BRSK2: variants seen among roughly 807,000 people sequenced by gnomAD.
BRSK2 encodes the protein BR serine/threonine kinase 2, also known as serine/threonine-protein kinase BRSK2.
BRSK2 carries 19 observed loss-of-function variants against 83.3 expected under a neutral mutation model. The ratio of observed to expected loss-of-function variants is 0.23; its 90% CI spans 0.16 to 0.33. The LOEUF (loss-of-function observed/expected upper bound fraction) is 0.33, where lower values mean the gene tolerates loss of function less well. Among genes scored for constraint, BRSK2 ranks in the 10% least tolerant of loss-of-function variants. The pLI is 1.00. For synonymous variants in BRSK2, 519 were observed against 435.4 expected (o/e 1.19, Z -2.39); for missense variants, 798 against 1,042.3 (o/e 0.77, Z 3.23).
chr11:1,456,217 C>T (rs1846515527), intron 16 of BRSK2, 131 bp from the exon 17 acceptor site: 1 of 983,126 alleles, frequency 1.0e-6, no homozygotes, highest in Non-Finnish European at 1.4e-6. Flanking sequence ...CTGTGCCCCT[C>T]ACGGAAGCAG....
At chr11:1,457,177 C>A in intron 18 of BRSK2, 1 of 842,970 alleles carries the variant, frequency 1.2e-6, no homozygotes, top group Non-Finnish European at 1.8e-6. Flanking sequence ...CCAAGCATGC[C>A]CCGGGCGGCC....
intron 1 of BRSK2, among the ~76,000 whole-genome samples, chr11:1,403,935 G>A (rs1429154192): frequency 2.0e-5 from 3 of 152,212 alleles, no homozygotes; most frequent in African/African-American, 7.2e-5. Flanking sequence ...GGCATCACGG[G>A]AGTTGGGATG....
chr11:1,448,912 C>T (rs963456527), intron 12 of BRSK2, among the ~76,000 whole-genome samples: 10 of 152,358 alleles, frequency 6.6e-5, no homozygotes, highest in African/African-American at 2.2e-4. Context: ...CGAGGCCCCT[C>T]GTGGCCGGCT....
chr11:1,392,945 G>C (rs576193668), intron 1 of BRSK2, among the ~76,000 whole-genome samples: 3 of 152,090 alleles, frequency 2.0e-5, no homozygotes, highest in Non-Finnish European at 2.9e-5. Context: ...AGGTGAAGCC[G>C]TCAGAGCACT....
Position 1,450,665 on chromosome 11 carries a change from C to T in BRSK2, c.1366C>T (p.Pro456Ser). The T allele has an allele frequency of 1.2e-6, 2 of 1,609,636 alleles. No individual in the cohort carries two copies. Among genetic ancestry groups the T allele is most frequent in the Non-Finnish European group, 1.7e-6 (2 of 1,178,846 alleles). Residue 456 changes from proline (P) to serine (S), a missense_variant, in exon 14 of 20, where the codon CCG becomes TCG. Transcript: ENST00000528841. ...GTPVHTPKES[P>S]AGTPNPTPPS... The stretch of plus-strand genomic sequence containing the variant: ...ACCTGTCCACACGCCAAAGGAGAGC[C>T]CGGCTGGCACGCCCAACCCCACGCC...
In BRSK2 at chr11:1,450,288, C is replaced by A. The variant is rs556473123; in HGVS notation, c.1288-299C>A. 1.3e-4 allele frequency among the ~76,000 whole-genome samples: 20 copies of A among 152,166 alleles called. No homozygotes were observed. The South Asian group carries it at 2.7e-3, about 20-fold the overall frequency. ...CCCTTCGTGGCCCGCCCCCTGGCCA[C>A]CTCCACGGAGCCCGAAGCTTGTGGG... On this transcript the variant is annotated intron_variant, in intron 13 of 19. Coordinates refer to ENST00000528841, the MANE Select transcript of BRSK2 (RefSeq NM_001256627.2).
rs1338301765 is a variant in BRSK2 at position 1,423,892 on chromosome 11, G to A, written c.92-12148G>A. 6.6e-6 allele frequency among the ~76,000 whole-genome samples: 1 copy of A among 151,034 alleles called. No individual in the cohort carries two copies. Among genetic ancestry groups the A allele is most frequent in the Non-Finnish European group, 1.5e-5 (1 of 67,806 alleles). ...AGAAGTGCTCCCCCACCCCCATCTT[G>A]CTTTCACCCTCACGTGGCGCCCCCA... On this transcript the variant is annotated intron_variant, in intron 1 of 19. Coordinates refer to ENST00000528841, the MANE Select transcript of BRSK2 (RefSeq NM_001256627.2). This position sits in a 1 kb window ranked among gnomAD's most constrained non-coding sequence, Gnocchi z 6.5.
intron 1 of BRSK2, among the ~76,000 whole-genome samples, chr11:1,427,464 A>G (rs1265691341): frequency 3.3e-5 from 5 of 152,114 alleles, no homozygotes; most frequent in Admixed American, 6.5e-5. Context: ...CTGCTCCCTG[A>G]GGCCCAGCAT....
chr11:1,450,913 T>A (rs1023662590), intron 14 of BRSK2, 119 bp downstream of exon 14: 3 of 1,001,258 alleles, frequency 3.0e-6, no homozygotes, highest in Non-Finnish European at 4.3e-6. Flanking sequence ...AGGGGTGGCC[T>A]GGGCCTGCCC....
intron 19 of BRSK2, 150 bp from the exon 20 acceptor site, chr11:1,460,350 C>A (rs1416443541): frequency 1.1e-6 from 1 of 927,838 alleles, no homozygotes; most frequent in Non-Finnish European, 1.5e-6. Flanking sequence ...ATCTCAGCCT[C>A]ATCTCTGGGT....
chr11:1,396,996 C>T (rs1002990102), intron 1 of BRSK2, among the ~76,000 whole-genome samples: 3 of 152,254 alleles, frequency 2.0e-5, no homozygotes, highest in Non-Finnish European at 2.9e-5. Context: ...CACCGTACCG[C>T]GCAGGAGGAC....
At chr11:1,403,835 G>A (rs1846655579) in intron 1 of BRSK2, among the ~76,000 whole-genome samples, 2 of 152,190 alleles carry the variant, frequency 1.3e-5, no homozygotes, top group Non-Finnish European at 2.9e-5. Flanking sequence ...ACCTGGAAGT[G>A]TCCTGGCTTC....
At chr11:1,457,062 G>A in intron 18 of BRSK2, 1 of 1,564,264 alleles carries the variant, frequency 6.4e-7, no homozygotes, top group Non-Finnish European at 8.6e-7. Flanking sequence ...AAGGCGCCCG[G>A]CCTGTGCTGG....
chr11:1,404,856 C>G (rs888043748), intron 1 of BRSK2, among the ~76,000 whole-genome samples: 8 of 152,128 alleles, frequency 5.3e-5, no homozygotes, highest in Admixed American at 1.3e-4. Flanking sequence ...GGGCTGGGGG[C>G]AGGGCTCAGC....
chr11:1,452,019 T>G (rs1845872104), intron 15 of BRSK2, among the ~76,000 whole-genome samples: 1 of 152,066 alleles, frequency 6.6e-6, no homozygotes, highest in Non-Finnish European at 1.5e-5. Flanking sequence ...CCTCAGTCAC[T>G]GGGCAGTGTC....
chr11:1,390,447 A>C lies in BRSK2; in HGVS notation c.91+72A>C, dbSNP rs1845650911. The stretch of plus-strand genomic sequence containing the variant: ...CAGCGCGCTGGGTGGGGGGCGCCCG[A>C]GGGAGGCCCCGGCCGCGAAGCCGCA... On this transcript the variant is annotated intron_variant, in intron 1 of 19. Coordinates refer to ENST00000528841, the MANE Select transcript of BRSK2 (RefSeq NM_001256627.2). This position sits in a 1 kb window ranked among gnomAD's most constrained non-coding sequence, Gnocchi z 6.8. 2 of 865,880 alleles carry C rather than the reference A, an allele frequency of 2.3e-6. No individual in the cohort carries two copies. Among genetic ancestry groups the C allele is most frequent in the Non-Finnish European group, 1.4e-6 (1 of 718,430 alleles). The allele number at this position is 865,880 out of a possible 1,614,324, so 53.6% of individuals were successfully genotyped here. A position where few individuals can be genotyped will look rare whatever the true frequency, so the allele number is the denominator to read the frequency against.
rs758357978 is a variant in BRSK2 at position 1,450,620 on chromosome 11, C to T, written c.1321C>T (p.Leu441Phe). 3 of 1,597,390 alleles carry T rather than the reference C, an allele frequency of 1.9e-6. No homozygotes were observed. Among genetic ancestry groups the T allele is most frequent in the Non-Finnish European group, 2.6e-6 (3 of 1,174,326 alleles). The change falls in exon 14 of 20, where the codon CTC (leucine) becomes TTC (phenylalanine). Residue 441 changes from leucine to phenylalanine, a missense_variant. Leu to Phe is a conservative substitution (Grantham distance 22, BLOSUM62 0). Transcript: ENST00000528841. ...TPHPSPRGSP[L>F]PTPKGTPVHT... is the part of the protein sequence containing the mutation. Reference sequence around the variant, plus strand: ...TCACCCCTCACCAAGGGGCAGTCCCCTCCCCACCCCCAAGGGGACACCTGT... The same window carrying T: ...TCACCCCTCACCAAGGGGCAGTCCCTTCCCCACCCCCAAGGGGACACCTGT...
At chr11:1,414,251 G>T (rs1162881133) in intron 1 of BRSK2, among the ~76,000 whole-genome samples, 1 of 152,244 alleles carries the variant, frequency 6.6e-6, no homozygotes, top group African/African-American at 2.4e-5. Context: ...GGCCGGGCAG[G>T]AGGAGGACGG....
At chr11:1,402,330 C>T (rs1846533805) in intron 1 of BRSK2, among the ~76,000 whole-genome samples, 1 of 152,246 alleles carries the variant, frequency 6.6e-6, no homozygotes, top group South Asian at 2.1e-4. Context: ...TGTTTCAGGG[C>T]TCATGTGGCC....
Sources: gnomAD v4.1 joint callset for allele counts (sites outside exome capture counted in the v4.1 genomes callset) on GRCh38, gnomAD v4.1.1 for gene constraint, Gnocchi (gnomAD v3.1) non-coding constraint, MANE v1.5 for transcripts, NCBI Gene and HGNC (gene_info 2026-07-23, HGNC 2026-07-21) for gene names.